Variants in RGS9 observed in about 807,000 individuals in gnomAD.
RGS9 encodes the protein regulator of G protein signaling 9, also known as regulator of G-protein signalling 9.
RGS9 carries 78 observed loss-of-function variants against 102.0 expected under a neutral mutation model. The observed-to-expected ratio is 0.76, with a 90% CI of 0.64 to 0.92. RGS9 has a LOEUF of 0.92. Among genes scored for constraint, RGS9 ranks in the 40% least tolerant of loss-of-function variants. RGS9 has a pLI of 0.00. For synonymous variants in RGS9, 353 were observed against 318.6 expected (o/e 1.11, Z -1.15); for missense variants, 833 against 866.1 (o/e 0.96, Z 0.48).
chr17:65,152,919 G>T (rs1910634379), intron 1 of RGS9, among the ~76,000 whole-genome samples: 1 of 152,152 alleles, frequency 6.6e-6, no homozygotes, highest in South Asian at 2.1e-4. Context: ...ACACTTCAGT[G>T]TTCTTCTCTC....
Position 65,225,347 on chromosome 17 carries a change from T to C in RGS9, c.1753T>C (p.Phe585Leu), listed in dbSNP as rs1363979194. 2 of 1,611,612 alleles carry C rather than the reference T, an allele frequency of 1.2e-6. No individual in the cohort carries two copies. The highest frequency in any genetic ancestry group is 3.3e-5 in the Admixed American group (2 of 60,028). ...KARMALSFSR[F>L]LRRGCLASPV... ...CCGCATGGCTCTGTCCTTCAGCAGG[T>C]TTCTGAGACGAGGCTGTCTGGCCTC... The change falls in exon 18 of 19, where the codon TTT (phenylalanine) becomes CTT (leucine). Residue 585 changes from phenylalanine to leucine, a missense_variant. Around this residue, in one of 3 missense-constraint regions of RGS9, gnomAD observed 320 missense variants for 276.8 expected, o/e 1.16. Transcript: ENST00000262406.
chr17:65,166,277 A>G (rs1047147707), intron 7 of RGS9, among the ~76,000 whole-genome samples: 1 of 152,258 alleles, frequency 6.6e-6, no homozygotes, highest in Non-Finnish European at 1.5e-5. Flanking sequence ...GGGAGGAGAC[A>G]TAGACACATC....
intron 9 of RGS9, among the ~76,000 whole-genome samples, chr17:65,178,242 A>G (rs1219219393): frequency 6.6e-6 from 1 of 152,124 alleles, no homozygotes; most frequent in Non-Finnish European, 1.5e-5. Context: ...TTTAACCTTA[A>G]TCCACATGAC....
intron 9 of RGS9, among the ~76,000 whole-genome samples, chr17:65,178,501 T>C (rs1262299504): frequency 1.3e-5 from 2 of 151,944 alleles, no homozygotes; most frequent in Admixed American, 6.6e-5. Flanking sequence ...TTTATTTATT[T>C]ATTTAATTCA....
chr17:65,183,305 T>C (rs1911971926), intron 9 of RGS9, among the ~76,000 whole-genome samples: 1 of 152,140 alleles, frequency 6.6e-6, no homozygotes, highest in African/African-American at 2.4e-5. Context: ...ATATTTTTAG[T>C]AGAGACAAGG....
Position 65,153,341 on chromosome 17 carries a change from C to A in RGS9, c.58-81C>A. The stretch of plus-strand genomic sequence containing the variant: ...GTGTCCACCTTTGCATTTTGAGGTC[C>A]CTCTCAGTGCAGTGGAAATTGCCCT... On this transcript the variant is annotated intron_variant, in intron 1 of 18. Coordinates refer to ENST00000262406, the MANE Select transcript of RGS9 (RefSeq NM_003835.4). 3 of 1,189,820 alleles carry A rather than the reference C, an allele frequency of 2.5e-6. No individual in the cohort carries two copies. The East Asian group carries it at 7.0e-5, about 28-fold the overall frequency. 73.7% of individuals were successfully genotyped at this position (1,189,820 alleles called of 1,614,324 possible). A position where few individuals can be genotyped will look rare whatever the true frequency, so the allele number is the denominator to read the frequency against.
rs547793658 is a variant in RGS9, at chr17:65,199,848, C to T, written c.977-2145C>T. Reference sequence around the variant, plus strand: ...ATTTCCTTCATTCCTTTTTAATGACCCCATAATATTTCCTTGTTTGTATGT... The same window carrying T: ...ATTTCCTTCATTCCTTTTTAATGACTCCATAATATTTCCTTGTTTGTATGT... On this transcript the variant is annotated intron_variant, in intron 13 of 18. Coordinates refer to ENST00000262406, the MANE Select transcript of RGS9 (RefSeq NM_003835.4). Among the ~76,000 whole-genome samples the T allele has an allele frequency of 3.3e-5, 5 of 151,232 alleles. No individual in the cohort carries two copies. In the South Asian group the frequency reaches 1.1e-3, roughly 32 times the overall value.
chr17:65,139,423 C>A (rs1397144895), intron 1 of RGS9, among the ~76,000 whole-genome samples: 1 of 151,966 alleles, frequency 6.6e-6, no homozygotes, highest in Non-Finnish European at 1.5e-5. Flanking sequence ...CCTGGTTACC[C>A]AGGATTCCGC....
Position 65,204,178 on chromosome 17 carries a change from G to A in RGS9, c.1080G>A (p.Pro360=), listed in dbSNP as rs769077066. The A allele has an allele frequency of 3.0e-5, 49 of 1,612,282 alleles. 1 individual carries two copies. The highest frequency in any genetic ancestry group is 1.0e-4 in the Admixed American group (6 of 59,988). ...AEEIYKLFLA[P]GARRWINIDG... is the part of the protein sequence containing the mutation. ...CCCACCCCAGGCTGTTCCTGGCCCC[G>A]GGGGCGAGGCGCTGGATCAACATAG... The change falls in exon 15 of 19, where the codon CCG becomes CCA. Residue 360 remains proline (P), a synonymous_variant. Coordinates refer to ENST00000262406, the MANE Select transcript of RGS9 (RefSeq NM_003835.4).
intron 9 of RGS9, among the ~76,000 whole-genome samples, chr17:65,180,228 A>G (rs1302414708): frequency 6.6e-6 from 1 of 152,178 alleles, no homozygotes; most frequent in Non-Finnish European, 1.5e-5. Context: ...AAGCATCTCC[A>G]TGAAGACCTG....
intron 13 of RGS9, among the ~76,000 whole-genome samples, chr17:65,199,676 T>C (rs1202608568): frequency 6.6e-6 from 1 of 151,884 alleles, no homozygotes; most frequent in Non-Finnish European, 1.5e-5. Flanking sequence ...GTATTTTTAG[T>C]AGAGACGGGG....
At chr17:65,216,951 C>A (rs16969375) in intron 17 of RGS9, among the ~76,000 whole-genome samples, 13,235 of 152,024 alleles carry the variant, frequency 0.087, 799 homozygotes, top group African/African-American at 0.15. Context: ...GAAGATGTGA[C>A]AGTGGATGGA....
intron 1 of RGS9, among the ~76,000 whole-genome samples, chr17:65,139,402 C>T (rs1405301875): frequency 6.6e-6 from 1 of 151,928 alleles, no homozygotes; most frequent in Non-Finnish European, 1.5e-5. Flanking sequence ...GTCCAACCTT[C>T]CCCTGAGCAG....
chr17:65,144,203 C>T (rs1321964952), intron 1 of RGS9, among the ~76,000 whole-genome samples: 4 of 152,142 alleles, frequency 2.6e-5, no homozygotes, highest in Middle Eastern at 3.2e-3. Context: ...AACAACTCTG[C>T]GGTTCTGGGT....
intron 11 of RGS9, among the ~76,000 whole-genome samples, chr17:65,190,747 T>C (rs941839164): frequency 6.6e-6 from 1 of 152,206 alleles, no homozygotes; most frequent in Non-Finnish European, 1.5e-5. Flanking sequence ...GGACATCATC[T>C]AGGAGACAAG....
At chr17:65,198,388 T>G (rs1340106377) in intron 13 of RGS9, among the ~76,000 whole-genome samples, 2 of 152,156 alleles carry the variant, frequency 1.3e-5, no homozygotes, top group Non-Finnish European at 2.9e-5. Flanking sequence ...CCCAAGTAGC[T>G]GGGACTATAG....
At chr17:65,204,452 TGTAATCC>T in intron 15 of RGS9, 151 bp downstream of exon 15, 1 of 961,986 alleles carries the variant, frequency 1.0e-6, no homozygotes, top group Middle Eastern at 3.1e-4. Context: ...GGCTCATGTC[TGTAATCC>T]CAGCTCTTTG....
At chr17:65,205,051 C>A (rs1912998029) in intron 15 of RGS9, among the ~76,000 whole-genome samples, 2 of 152,118 alleles carry the variant, frequency 1.3e-5, no homozygotes, top group African/African-American at 4.8e-5. Flanking sequence ...TAGTAAGACC[C>A]TGTGAGAATT....
At chr17:65,220,992 TG>T (rs1380631342) in intron 17 of RGS9, among the ~76,000 whole-genome samples, 1 of 152,132 alleles carries the variant, frequency 6.6e-6, no homozygotes, top group African/African-American at 2.4e-5. Context: ...AGGTGGGGCA[TG>T]GGCTGGAGGG....
Sources: gnomAD v4.1 joint callset for allele counts (sites outside exome capture counted in the v4.1 genomes callset) on GRCh38, gnomAD v4.1.1 for gene constraint, gnomAD v4.1.1 regional missense constraint, MANE v1.5 for transcripts, NCBI Gene and HGNC (gene_info 2026-07-23, HGNC 2026-07-21) for gene names.